The following ANKRD30BL variants were observed in gnomAD, a reference collection of about 807,000 sequenced individuals.
ANKRD30BL encodes the protein putative ankyrin repeat domain-containing protein 30B-like.
ANKRD30BL carries 20 observed loss-of-function variants against 18.4 expected under a neutral mutation model. That is an observed-to-expected ratio of 1.09 (90% CI 0.77 to 1.58). The LOEUF (loss-of-function observed/expected upper bound fraction) is 1.58. ANKRD30BL is among the 40% of genes most tolerant of loss of function. The pLI is 0.00. For synonymous variants in ANKRD30BL, 72 were observed against 100.9 expected (o/e 0.71, Z 1.72); for missense variants, 224 against 268.6 (o/e 0.83, Z 1.16).
chr2:132,241,763 T>A (rs1463186883), intron 1 of ANKRD30BL, among the ~76,000 whole-genome samples: 1 of 151,764 alleles, frequency 6.6e-6, no homozygotes, highest in Non-Finnish European at 1.5e-5. Context: ...TGAATTTTTC[T>A]TTTGATACGC....
intron 1 of ANKRD30BL, among the ~76,000 whole-genome samples, chr2:132,239,590 A>G (rs1680253778): frequency 1.3e-5 from 2 of 151,974 alleles, no homozygotes; most frequent in South Asian, 4.1e-4. Flanking sequence ...TAAAATCTGC[A>G]AGTGGATATG....
At chr2:132,206,356 T>C (rs1326468818) in intron 1 of ANKRD30BL, among the ~76,000 whole-genome samples, 2 of 152,070 alleles carry the variant, frequency 1.3e-5, no homozygotes, top group Non-Finnish European at 1.5e-5. Flanking sequence ...AAAATAATAA[T>C]AATAATAATG....
chr2:132,204,602 A>G (rs1679174232), intron 1 of ANKRD30BL, among the ~76,000 whole-genome samples: 1 of 152,108 alleles, frequency 6.6e-6, no homozygotes, highest in Non-Finnish European at 1.5e-5. Flanking sequence ...CAGTACAGGC[A>G]TGATGTGATG....
Position 132,240,529 on chromosome 2 carries a change from C to A in ANKRD30BL, n.441+17000G>T, listed in dbSNP as rs868661093. ...AGACAGAAGAATTCTCAGAAACTTCCTTTTGATGGGTGTACTCAACTCACA... is the reference window on the plus strand; with the variant it reads ...AGACAGAAGAATTCTCAGAAACTTCATTTTGATGGGTGTACTCAACTCACA... On this transcript the variant is annotated intron_variant and non_coding_transcript_variant, in intron 1 of 4. Transcript: ENST00000470729. Among the ~76,000 whole-genome samples, 6 of 150,970 alleles carry A rather than the reference C, an allele frequency of 4.0e-5. 1 individual carries two copies. The Middle Eastern group carries it at 0.021, about 517-fold the overall frequency.
At chr2:132,209,536 G>A (rs1445186212) in intron 1 of ANKRD30BL, among the ~76,000 whole-genome samples, 1 of 152,118 alleles carries the variant, frequency 6.6e-6, no homozygotes, top group Non-Finnish European at 1.5e-5. Flanking sequence ...CTACACAAAT[G>A]CCTTCTGAGA....
upstream of ANKRD30BL, among the ~76,000 whole-genome samples, chr2:132,164,277 T>TTTTC (rs1558916463): frequency 1.3e-3 from 178 of 136,000 alleles, no homozygotes; most frequent in Admixed American, 2.5e-3. Flanking sequence ...TTCTTTTTTT[T>TTTTC]TTTTTTTTTT....
At chr2:132,227,248 G>A (rs528452195) in intron 1 of ANKRD30BL, among the ~76,000 whole-genome samples, 3,286 of 151,998 alleles carry the variant, frequency 0.022, 119 homozygotes, top group African/African-American at 0.075. Context: ...AAACTTGCTT[G>A]TAATGTGTGC....
At chr2:132,160,332 C>T (rs1003138968) in intron 1 of ANKRD30BL, among the ~76,000 whole-genome samples, 18 of 150,608 alleles carry the variant, frequency 1.2e-4, no homozygotes, top group Non-Finnish European at 2.4e-4. Flanking sequence ...AAATCCTGAC[C>T]TCAGGTGATC....
intron 1 of ANKRD30BL, among the ~76,000 whole-genome samples, chr2:132,159,612 G>GT (rs1374643169): frequency 6.6e-5 from 10 of 152,188 alleles, no homozygotes; most frequent in Middle Eastern, 3.4e-3. Flanking sequence ...TAATTAGCGG[G>GT]TTTTTTGTTG....
chr2:132,217,656 A>G (rs1457577736), intron 1 of ANKRD30BL, among the ~76,000 whole-genome samples: 1 of 152,188 alleles, frequency 6.6e-6, no homozygotes, highest in Non-Finnish European at 1.5e-5. Context: ...TGTGATGTGT[A>G]CATTCATGTC....
At chr2:132,242,398 C>T (rs1198656505) in intron 1 of ANKRD30BL, among the ~76,000 whole-genome samples, 1 of 151,564 alleles carries the variant, frequency 6.6e-6, no homozygotes, top group Non-Finnish European at 1.5e-5. Context: ...GAAGCATTCT[C>T]AGAAACATCT....
At chr2:132,186,787 A>G (rs1460291051) in intron 1 of ANKRD30BL, among the ~76,000 whole-genome samples, 1 of 152,174 alleles carries the variant, frequency 6.6e-6, no homozygotes, top group Non-Finnish European at 1.5e-5. Flanking sequence ...CACTGACTGA[A>G]GGGCATTGTT....
chr2:132,201,657 G>C (rs948885320), intron 1 of ANKRD30BL, among the ~76,000 whole-genome samples: 8 of 152,290 alleles, frequency 5.3e-5, no homozygotes, highest in South Asian at 2.1e-4. Context: ...TGCTGGAGAG[G>C]ATGTGGAGAA....
At chr2:132,230,741 T>A (rs554468061) in intron 1 of ANKRD30BL, among the ~76,000 whole-genome samples, 1 of 151,932 alleles carries the variant, frequency 6.6e-6, no homozygotes, top group Non-Finnish European at 1.5e-5. Flanking sequence ...AGAGCAGATT[T>A]GAAACACTCT....
At chr2:132,244,666 C>A (rs1183678488) in intron 1 of ANKRD30BL, among the ~76,000 whole-genome samples, 123 of 151,326 alleles carry the variant, frequency 8.1e-4, no homozygotes, top group African/African-American at 2.9e-3. Context: ...TTGAACTTCT[C>A]TTTTGATAGA....
chr2:132,235,694 C>T (rs547176367), intron 1 of ANKRD30BL, among the ~76,000 whole-genome samples: 2 of 152,180 alleles, frequency 1.3e-5, no homozygotes, highest in South Asian at 2.1e-4. Context: ...AAAGAGGATA[C>T]AAACGAATGG....
intron 1 of ANKRD30BL, among the ~76,000 whole-genome samples, chr2:132,198,342 T>TG (rs1449539566): frequency 7.1e-5 from 8 of 113,238 alleles, no homozygotes; most frequent in African/African-American, 3.8e-4. Flanking sequence ...TTTTTTTTTT[T>TG]AGACAGAGTC....
At chr2:132,255,208 A>G (rs1680795701) in intron 1 of ANKRD30BL, among the ~76,000 whole-genome samples, 1 of 152,160 alleles carries the variant, frequency 6.6e-6, no homozygotes, top group African/African-American at 2.4e-5. Flanking sequence ...TTCTTGGCAA[A>G]TGCTTTCGCT....
Position 132,233,023 on chromosome 2 carries a change from C to T in ANKRD30BL, n.441+24506G>A, listed in dbSNP as rs1412609893. 1.1e-4 allele frequency among the ~76,000 whole-genome samples: 17 copies of T among 151,974 alleles called. No homozygotes were observed. In the Admixed American group the frequency reaches 1.1e-3, roughly 10 times the overall value. ...CCTACAAGCCAGAAGAGAGTGGGGG[C>T]CGATATTCAACATTCTTAAAGAAAA... is the stretch of plus-strand genomic sequence containing the variant. On this transcript the variant is annotated intron_variant and non_coding_transcript_variant, in intron 1 of 4. Transcript: ENST00000470729.
Sources: gnomAD v4.1 joint callset for allele counts (sites outside exome capture counted in the v4.1 genomes callset) on GRCh38, gnomAD v4.1.1 for gene constraint, MANE v1.5 for transcripts, NCBI Gene and HGNC (gene_info 2026-07-23, HGNC 2026-07-21) for gene names.